Variants in TBX15 observed in about 807,000 individuals in gnomAD.
TBX15 encodes T-box transcription factor TBX15.
TBX15 carries 18 observed loss-of-function variants against 53.9 expected under a neutral mutation model. The ratio of observed to expected loss-of-function variants is 0.33; its 90% CI spans 0.23 to 0.49. The LOEUF is 0.49. Among genes scored for constraint, TBX15 ranks in the 20% least tolerant of loss-of-function variants. The probability of loss-of-function intolerance (pLI) is 0.98; values close to 1 mark genes in which losing one functional copy is unlikely to be tolerated. For missense variants in TBX15, 692 were observed against 749.5 expected (o/e 0.92, Z 0.90); for synonymous variants, 295 against 278.0 (o/e 1.06, Z -0.61).
intron 1 of TBX15, among the ~76,000 whole-genome samples, chr1:118,937,013 C>T (rs1006511586): frequency 5.9e-5 from 9 of 152,092 alleles, no homozygotes; most frequent in Non-Finnish European, 8.8e-5. Context: ...GTGACAGATA[C>T]GCCTGCAGAG....
intron 7 of TBX15, chr1:118,891,001 T>C: frequency 8.4e-7 from 1 of 1,188,542 alleles, no homozygotes; most frequent in South Asian, 1.3e-5. Context: ...ATCAGCACCC[T>C]ATAGACTGAT....
rs772725669 is a variant in TBX15, at chr1:118,899,025, T to C, written c.1024+3A>G. 5.8e-5 allele frequency: 93 copies of C among 1,613,374 alleles called. No individual in the cohort carries two copies. The highest frequency in any genetic ancestry group is 7.4e-5 in the Non-Finnish European group (87 of 1,179,656). ...AAGCAGAGGCCTTGCTCCAGGGCTT[T>C]ACCTTGCTGCTTCTGCATGGTGGTG... is the stretch of plus-strand genomic sequence containing the variant. On this transcript the variant is annotated splice_donor_region_variant and intron_variant, in intron 7 of 7. Transcript: ENST00000369429.
intron 1 of TBX15, among the ~76,000 whole-genome samples, chr1:118,959,683 G>T (rs772831295): frequency 6.6e-6 from 1 of 152,194 alleles, no homozygotes; most frequent in African/African-American, 2.4e-5. Flanking sequence ...ATTCATCATT[G>T]TTAAATAGTG....
In TBX15 at chr1:118,987,983, C is replaced by G. The variant is rs1657901470; in HGVS notation, c.-188G>C. 1 of 718,928 alleles carries G rather than the reference C, an allele frequency of 1.4e-6. No homozygotes were observed. Among genetic ancestry groups the G allele is most frequent in the South Asian group, 1.9e-5 (1 of 52,582 alleles). 44.5% of individuals were successfully genotyped at this position (718,928 alleles called of 1,614,324 possible). ...CTCCTCCGCCCTCCTCTGCCGGATC[C>G]GACCTGCGCCCCTACGCTGGCCCAG... On this transcript the variant is annotated 5_prime_UTR_variant, in exon 1 of 8. Coordinates refer to ENST00000369429, the MANE Select transcript of TBX15 (RefSeq NM_001330677.2).
chr1:118,969,368 G>C (rs145486728), intron 1 of TBX15, among the ~76,000 whole-genome samples: 5 of 152,200 alleles, frequency 3.3e-5, no homozygotes, highest in African/African-American at 1.2e-4. Flanking sequence ...GACCTGAAGG[G>C]AAGCCTATAA....
chr1:118,983,106 G>A (rs1243489434), intron 1 of TBX15, among the ~76,000 whole-genome samples: 1 of 152,136 alleles, frequency 6.6e-6, no homozygotes, highest in Non-Finnish European at 1.5e-5. Flanking sequence ...GCAGCAAAAG[G>A]AGAGACCCGC....
At chr1:118,892,133 G>A (rs539267412) in intron 7 of TBX15, among the ~76,000 whole-genome samples, 10 of 141,958 alleles carry the variant, frequency 7.0e-5, no homozygotes, top group African/African-American at 1.7e-4. Flanking sequence ...TTTCAGCTAC[G>A]TAAATAGACA....
intron 7 of TBX15, among the ~76,000 whole-genome samples, chr1:118,886,513 C>T (rs12124155): frequency 0.024 from 3,691 of 152,238 alleles, 95 homozygotes; most frequent in East Asian, 0.11. Context: ...GAAATGCTGA[C>T]GTTCCAGGAT....
intron 7 of TBX15, among the ~76,000 whole-genome samples, chr1:118,886,780 T>C (rs1653958810): frequency 6.6e-6 from 1 of 152,190 alleles, no homozygotes; most frequent in African/African-American, 2.4e-5. Flanking sequence ...GGCCTAAGAA[T>C]TTGCATTTCC....
intron 1 of TBX15, among the ~76,000 whole-genome samples, chr1:118,934,982 T>A (rs1195670721): frequency 1.3e-5 from 2 of 152,198 alleles, no homozygotes; most frequent in Admixed American, 1.3e-4. Context: ...TATGCAATCT[T>A]CTATTCTCAA....
At chr1:118,958,000 T>C (rs1656750389) in intron 1 of TBX15, among the ~76,000 whole-genome samples, 1 of 152,238 alleles carries the variant, frequency 6.6e-6, no homozygotes, top group African/African-American at 2.4e-5. Context: ...TGCAATATTT[T>C]TAAAAATTAA....
chr1:118,939,438 A>AAAAAAAAAC (rs1322098738), intron 1 of TBX15, among the ~76,000 whole-genome samples: 1 of 71,124 alleles, frequency 1.4e-5, no homozygotes, highest in Non-Finnish European at 2.7e-5. Flanking sequence ...AAAAAAAAAC[A>AAAAAAAAAC]AAAACAGGAA....
intron 1 of TBX15, among the ~76,000 whole-genome samples, chr1:118,944,094 A>G (rs1374191598): frequency 6.6e-6 from 1 of 152,188 alleles, no homozygotes; most frequent in Non-Finnish European, 1.5e-5. Flanking sequence ...TTACAACTCA[A>G]CAAACCCAGA....
intron 1 of TBX15, among the ~76,000 whole-genome samples, chr1:118,966,276 A>G (rs1306486976): frequency 6.6e-6 from 1 of 152,204 alleles, no homozygotes; most frequent in Non-Finnish European, 1.5e-5. Flanking sequence ...ACAGAAGAAG[A>G]TACCTAATGG....
intron 1 of TBX15, among the ~76,000 whole-genome samples, chr1:118,958,768 C>T (rs760133044): frequency 1.3e-5 from 2 of 152,072 alleles, no homozygotes; most frequent in Non-Finnish European, 2.9e-5. Context: ...GAGATGCTCA[C>T]CAATTCCTAC....
At chr1:118,907,176 T>C (rs1395798437) in intron 6 of TBX15, among the ~76,000 whole-genome samples, 1 of 152,044 alleles carries the variant, frequency 6.6e-6, no homozygotes, top group African/African-American at 2.4e-5. Context: ...CAGCTGGAAA[T>C]ATCTGGAGGA....
chr1:118,926,874 TTGTGTGTGTG>T (rs34081549), intron 2 of TBX15, among the ~76,000 whole-genome samples: 5 of 148,972 alleles, frequency 3.4e-5, no homozygotes, highest in African/African-American at 1.2e-4. Context: ...CCCAGCTAAT[TTGTGTGTGTG>T]TGTGTGTGTG....
At chr1:118,978,433 A>C (rs1256627410) in intron 1 of TBX15, among the ~76,000 whole-genome samples, 2 of 152,222 alleles carry the variant, frequency 1.3e-5, no homozygotes, top group Non-Finnish European at 2.9e-5. Flanking sequence ...GGGCCTCAGA[A>C]GTCATTTGAG....
Position 118,890,740 on chromosome 1 carries a change from G to A in TBX15, c.1025-5224C>T, listed in dbSNP as rs939434916. The A allele has an allele frequency of 4.5e-5, 19 of 422,186 alleles. 1 individual carries two copies. The highest frequency in any genetic ancestry group is 2.3e-5 in the South Asian group (1 of 44,014). 26.2% of individuals were successfully genotyped at this position (422,186 alleles called of 1,614,324 possible). A position where few individuals can be genotyped will look rare whatever the true frequency, so the allele number is the denominator to read the frequency against. On this transcript the variant is annotated intron_variant, in intron 7 of 7. Coordinates refer to ENST00000369429, the MANE Select transcript of TBX15 (RefSeq NM_001330677.2). ...TGATCATTTCCAGATTGTAATATAA[G>A]GGCTTTCACATACAGTTTCTTTTTC...
Sources: allele counts gnomAD v4.1 joint callset (sites outside exome capture counted in the v4.1 genomes callset), GRCh38; gene constraint gnomAD v4.1.1; transcripts MANE v1.5; gene names NCBI Gene and HGNC (gene_info 2026-07-23, HGNC 2026-07-21).